The following INSC variants were observed in gnomAD, a reference collection of about 807,000 sequenced individuals.
INSC encodes the protein INSC spindle orientation adaptor protein, also known as protein inscuteable homolog.
Under a neutral mutation model 58.6 loss-of-function variants are expected in INSC, and 67 were observed. The ratio of observed to expected loss-of-function variants is 1.14; its 90% CI spans 0.94 to 1.40. The LOEUF (loss-of-function observed/expected upper bound fraction) is 1.40, where lower values mean the gene tolerates loss of function less well. Among genes scored for constraint, INSC ranks in the 40% most tolerant of loss-of-function variants. The pLI, the probability that INSC is intolerant of heterozygous loss-of-function variation, is 0.00. For missense variants in INSC, 714 were observed against 692.0 expected (o/e 1.03, Z -0.36); for synonymous variants, 262 against 276.1 (o/e 0.95, Z 0.51).
At chr11:15,138,291 G>A (rs1192181712) in intron 1 of INSC, among the ~76,000 whole-genome samples, 2 of 152,192 alleles carry the variant, frequency 1.3e-5, no homozygotes, top group African/African-American at 2.4e-5. Context: ...GTGTGACACA[G>A]AGACATAAAG....
intron 5 of INSC, among the ~76,000 whole-genome samples, chr11:15,186,828 C>T (rs1190359592): frequency 6.6e-6 from 1 of 152,100 alleles, no homozygotes; most frequent in African/African-American, 2.4e-5. Context: ...TCATGATGAT[C>T]TCTGTGGTCT....
chr11:15,114,258 G>C (rs1176019056), upstream of INSC, among the ~76,000 whole-genome samples: 11 of 119,484 alleles, frequency 9.2e-5, no homozygotes, highest in Admixed American at 8.0e-4. Context: ...GGGGTGGGGG[G>C]TGGGGGGTGG....
At chr11:15,179,058 G>C (rs1849672421) in intron 5 of INSC, among the ~76,000 whole-genome samples, 1 of 152,194 alleles carries the variant, frequency 6.6e-6, no homozygotes, top group Non-Finnish European at 1.5e-5. Flanking sequence ...ATTCCAGAAA[G>C]AGGGAGGGAT....
At chr11:15,218,589 T>G (rs1293979684) in intron 7 of INSC, among the ~76,000 whole-genome samples, 1 of 152,166 alleles carries the variant, frequency 6.6e-6, no homozygotes, top group Non-Finnish European at 1.5e-5. Context: ...CATATATATA[T>G]TTCCCTTTTG....
the INSC span, among the ~76,000 whole-genome samples, chr11:15,255,022 GT>G: frequency 1.6e-4 from 24 of 152,286 alleles, no homozygotes; most frequent in Non-Finnish European, 3.1e-4. Flanking sequence ...CTGCTAAGTA[GT>G]TATTATTGAT....
chr11:15,241,468 C>T (rs2133981309), intron 12 of INSC: 1 of 654,952 alleles, frequency 1.5e-6, no homozygotes, highest in Admixed American at 2.2e-5. Flanking sequence ...TTGGTTGTAC[C>T]ATTAATGAGC....
intron 5 of INSC, among the ~76,000 whole-genome samples, chr11:15,178,915 C>G (rs894072342): frequency 6.6e-6 from 1 of 152,184 alleles, no homozygotes; most frequent in Non-Finnish European, 1.5e-5. Context: ...ACAGTTTACC[C>G]GATGGGTCCT....
At chr11:15,256,097 C>T in the INSC span, among the ~76,000 whole-genome samples, 17 of 152,188 alleles carry the variant, frequency 1.1e-4, no homozygotes, top group Admixed American at 3.3e-4. Flanking sequence ...CATGGGAGTC[C>T]CACTACATAT....
chr11:15,152,782 T>A (rs1309252114), intron 2 of INSC, among the ~76,000 whole-genome samples: 8 of 152,192 alleles, frequency 5.3e-5, no homozygotes, highest in African/African-American at 1.9e-4. Context: ...TGGCTAATGA[T>A]ACTCCCAGCA....
intron 1 of INSC, among the ~76,000 whole-genome samples, chr11:15,124,172 A>G (rs2133691644): frequency 6.6e-6 from 1 of 152,334 alleles, no homozygotes; most frequent in Non-Finnish European, 1.5e-5. Flanking sequence ...CTAATGCATT[A>G]TCTTCAGCCC....
At chr11:15,194,710 G>A (rs80008399) in intron 6 of INSC, among the ~76,000 whole-genome samples, 2,478 of 152,280 alleles carry the variant, frequency 0.016, 81 homozygotes, top group African/African-American at 0.057. Flanking sequence ...CAACAGTTGA[G>A]GAAATGGTTT....
At chr11:15,205,057 G>T (rs185719646) in intron 7 of INSC, among the ~76,000 whole-genome samples, 1 of 152,046 alleles carries the variant, frequency 6.6e-6, no homozygotes, top group South Asian at 2.1e-4. Context: ...AAGTCACTTC[G>T]TCTCTGCTTC....
chr11:15,169,608 C>A (rs930648376), intron 2 of INSC, among the ~76,000 whole-genome samples: 1 of 152,014 alleles, frequency 6.6e-6, no homozygotes, highest in African/African-American at 2.4e-5. Context: ...GTGGTATGAT[C>A]TCTGCTCACT....
At chr11:15,176,137 T>C (rs897955200) in intron 3 of INSC, 51 bp downstream of exon 3, 3 of 1,402,830 alleles carry the variant, frequency 2.1e-6, no homozygotes, top group East Asian at 2.5e-5. Flanking sequence ...CAGGGTGCTT[T>C]AGAGAAGAGT....
At chr11:15,201,053 C>T (rs570032746) in intron 7 of INSC, 104 bp downstream of exon 7, 860 of 1,371,830 alleles carry the variant, frequency 6.3e-4, no homozygotes, top group Non-Finnish European at 8.2e-4. Context: ...CCAAGTGCCT[C>T]GAGTAGTCCT....
intron 8 of INSC, among the ~76,000 whole-genome samples, chr11:15,224,710 GT>G (rs1245346343): frequency 6.6e-6 from 1 of 152,220 alleles, no homozygotes; most frequent in African/African-American, 2.4e-5. Flanking sequence ...TCCTCCTGAG[GT>G]GGGCGTCCAT....
intron 2 of INSC, among the ~76,000 whole-genome samples, chr11:15,172,613 G>A (rs537726028): frequency 1.3e-5 from 2 of 152,338 alleles, no homozygotes; most frequent in African/African-American, 2.4e-5. Context: ...GGTAATATAA[G>A]AGTCAGGTCT....
chr11:15,120,667 T>A (rs1012476142), intron 1 of INSC, among the ~76,000 whole-genome samples: 2 of 152,142 alleles, frequency 1.3e-5, no homozygotes, highest in African/African-American at 4.8e-5. Context: ...TACAAGGAGC[T>A]TTGTATGGAG....
intron 8 of INSC, among the ~76,000 whole-genome samples, chr11:15,224,632 G>A (rs1851562724): frequency 6.6e-6 from 1 of 152,192 alleles, no homozygotes; most frequent in Admixed American, 6.5e-5. Context: ...TAGTGAAGTT[G>A]GAGCTGAGGG....
Sources: allele counts gnomAD v4.1 joint callset (sites outside exome capture counted in the v4.1 genomes callset), GRCh38; gene constraint gnomAD v4.1.1; transcripts MANE v1.5; gene names NCBI Gene and HGNC (gene_info 2026-07-23, HGNC 2026-07-21).